The following DNAAF4 variants were observed in gnomAD, a reference collection of about 807,000 sequenced individuals.
DNAAF4 encodes dynein assembly factor 4, axonemal.
A neutral mutation model predicts 51.8 loss-of-function variants in DNAAF4; 43 were observed. That is an observed-to-expected ratio of 0.83 (90% CI 0.65 to 1.07). The LOEUF is 1.07. Among genes scored for constraint, DNAAF4 ranks in the 50% least tolerant of loss-of-function variants. The pLI is 0.00. For synonymous variants in DNAAF4, 194 were observed against 165.6 expected, an observed-to-expected ratio of 1.17 and a Z score of -1.32; for missense variants, 581 against 493.0, an observed-to-expected ratio of 1.18 and a Z score of -1.69.
chr15:55,502,594 T>G (rs2058705342), intron 1 of DNAAF4, among the ~76,000 whole-genome samples: 1 of 152,140 alleles, frequency 6.6e-6, no homozygotes, highest in South Asian at 2.1e-4. Context: ...AGTCAAGAAC[T>G]TAGAAGGGTA....
chr15:55,468,025 T>C (rs1049134158), intron 4 of DNAAF4, among the ~76,000 whole-genome samples: 1 of 152,198 alleles, frequency 6.6e-6, no homozygotes, highest in East Asian at 1.9e-4. Flanking sequence ...ATGTCTGTGC[T>C]ATCCAATATA....
At chr15:55,448,500 CAA>C (rs1172391709) in intron 6 of DNAAF4, among the ~76,000 whole-genome samples, 4 of 61,706 alleles carry the variant, frequency 6.5e-5, no homozygotes, top group African/African-American at 2.1e-4. Context: ...ACCCCCAACT[CAA>C]AAAAAAAAAA....
intron 5 of DNAAF4, among the ~76,000 whole-genome samples, chr15:55,465,564 CTTT>C (rs76254398): frequency 3.8e-5 from 5 of 131,562 alleles, no homozygotes; most frequent in Admixed American, 7.8e-5. Context: ...TATGTTCTCA[CTTT>C]TTTTTTTTTT....
At chr15:55,465,869 G>T (rs1396335514) in intron 5 of DNAAF4, among the ~76,000 whole-genome samples, 1 of 152,060 alleles carries the variant, frequency 6.6e-6, no homozygotes, top group Non-Finnish European at 1.5e-5. Flanking sequence ...CCTGGCCCAT[G>T]TTCTCACTCA....
At chr15:55,496,743 CT>C (rs35358181) in intron 3 of DNAAF4, among the ~76,000 whole-genome samples, 10,723 of 147,698 alleles carry the variant, frequency 0.073, 489 homozygotes, top group East Asian at 0.15. Flanking sequence ...GCTCATAAGC[CT>C]TTTTTTTTTT....
At chr15:55,448,095 A>G (rs2057867190) in intron 6 of DNAAF4, among the ~76,000 whole-genome samples, 1 of 152,134 alleles carries the variant, frequency 6.6e-6, no homozygotes, top group Admixed American at 6.5e-5. Flanking sequence ...ATCAATATCT[A>G]GCTTACTGAG....
intron 6 of DNAAF4, among the ~76,000 whole-genome samples, chr15:55,447,058 C>G (rs2141450164): frequency 1.4e-5 from 2 of 147,712 alleles, no homozygotes; most frequent in South Asian, 4.3e-4. Context: ...CCTCACTTCC[C>G]AGATGGGGCA....
rs1274428393 is a variant in DNAAF4, at chr15:55,439,512, C to T, written c.853G>A (p.Glu285Lys). 1.2e-6 allele frequency: 2 copies of T among 1,614,078 alleles called. No homozygotes were observed. Among genetic ancestry groups the T allele is most frequent in the East Asian group, 2.2e-5 (1 of 44,880 alleles). ...AACCATTCTGGGTTCTTTTCTTCTT[C>T]TTTTAAATCGCAAAGTTCAGCTATG... is the stretch of plus-strand genomic sequence containing the variant. ...TDIAELCDLK[E>K]EEKNPEWLKD... Residue 285 changes from glutamate (E) to lysine (K), a missense_variant, in exon 7 of 10, where the codon GAA (glutamate) becomes AAA (lysine). Transcript: ENST00000321149.
intron 1 of DNAAF4, among the ~76,000 whole-genome samples, chr15:55,500,243 C>G (rs1303387425): frequency 6.6e-6 from 1 of 152,108 alleles, no homozygotes; most frequent in Non-Finnish European, 1.5e-5. Context: ...AAATAGGGCA[C>G]ACTCACTACC....
At chr15:55,433,924 T>TATA (rs1158331628) in intron 8 of DNAAF4, among the ~76,000 whole-genome samples, 27,109 of 35,400 alleles carry the variant, frequency 0.77, 10,984 homozygotes, top group East Asian at 0.97. Context: ...TTATATATAT[T>TATA]ATATTATATA....
intron 1 of DNAAF4, among the ~76,000 whole-genome samples, chr15:55,503,031 G>C (rs2058707736): frequency 6.6e-6 from 1 of 152,074 alleles, no homozygotes. Context: ...CCTGTAGCAA[G>C]ACTAATAAAG....
intron 4 of DNAAF4, among the ~76,000 whole-genome samples, chr15:55,467,988 A>G (rs2058194048): frequency 6.6e-6 from 1 of 152,156 alleles, no homozygotes; most frequent in Non-Finnish European, 1.5e-5. Context: ...TCTATCCACT[A>G]GAGAAGCACT....
chr15:55,455,535 G>C (rs1664495049), intron 5 of DNAAF4, among the ~76,000 whole-genome samples: 1 of 151,764 alleles, frequency 6.6e-6, no homozygotes, highest in African/African-American at 2.4e-5. Flanking sequence ...GGGTTCAAGT[G>C]ATTCTCCTGC....
In DNAAF4 at chr15:55,464,728, G is replaced by A. The variant is rs113381203; in HGVS notation, c.637+2202C>T. Among the ~76,000 whole-genome samples the A allele has an allele frequency of 3.0e-3, 459 of 152,240 alleles. 1 individual carries two copies. The highest frequency in any genetic ancestry group is 0.011 in the African/African-American group (443 of 41,540). On this transcript the variant is annotated intron_variant, in intron 5 of 9. Coordinates refer to ENST00000321149, the MANE Select transcript of DNAAF4 (RefSeq NM_130810.4). ...CATGCCTGTAATCCCATCACTTTTC[G>A]AGGCTGAGGCAGGCGGATCACCTGA... is the stretch of plus-strand genomic sequence containing the variant.
At chr15:55,431,134 C>T (rs555341461) in intron 9 of DNAAF4, among the ~76,000 whole-genome samples, 30 of 152,056 alleles carry the variant, frequency 2.0e-4, no homozygotes, top group Non-Finnish European at 3.4e-4. Context: ...AGTAGGGCCT[C>T]GATCTCCTGA....
intron 1 of DNAAF4, among the ~76,000 whole-genome samples, chr15:55,500,394 C>A (rs2058690150): frequency 1.3e-5 from 2 of 152,158 alleles, no homozygotes; most frequent in Admixed American, 1.3e-4. Context: ...CATTTTCCCC[C>A]TTTTGTTCTA....
At chr15:55,467,781 T>C (rs1184866862) in intron 4 of DNAAF4, among the ~76,000 whole-genome samples, 1 of 152,182 alleles carries the variant, frequency 6.6e-6, no homozygotes, top group Non-Finnish European at 1.5e-5. Context: ...GCACTAGTAG[T>C]TGTCTGACAC....
intron 1 of DNAAF4, among the ~76,000 whole-genome samples, chr15:55,506,471 G>A (rs1284927603): frequency 6.6e-6 from 1 of 152,144 alleles, no homozygotes; most frequent in Admixed American, 6.5e-5. Flanking sequence ...ATTTTAAGAT[G>A]TTTAGCAGCA....
chr15:55,459,598 C>T (rs1008186638), intron 5 of DNAAF4, among the ~76,000 whole-genome samples: 3 of 152,164 alleles, frequency 2.0e-5, no homozygotes, highest in Non-Finnish European at 2.9e-5. Flanking sequence ...AGTCTTTTAA[C>T]AGACTTGCCT....
Sources: allele counts gnomAD v4.1 joint callset (sites outside exome capture counted in the v4.1 genomes callset), GRCh38; gene constraint gnomAD v4.1.1; transcripts MANE v1.5; gene names NCBI Gene and HGNC (gene_info 2026-07-23, HGNC 2026-07-21).